GLCE: variants seen among roughly 807,000 people sequenced by gnomAD.
GLCE encodes D-glucuronyl C5-epimerase.
GLCE carries 19 observed loss-of-function variants against 47.9 expected under a neutral mutation model. The observed-to-expected ratio is 0.40, with a 90% CI of 0.28 to 0.58. GLCE has a LOEUF of 0.58. Ranked by LOEUF, GLCE falls within the 20% of genes least tolerant of loss-of-function variation. The pLI is 0.48. For missense variants in GLCE, 556 were observed against 743.3 expected, an observed-to-expected ratio of 0.75 and a Z score of 2.93; for synonymous variants, 245 against 263.4, an observed-to-expected ratio of 0.93 and a Z score of 0.68.
intron 1 of GLCE, among the ~76,000 whole-genome samples, chr15:69,169,450 G>A (rs754242538): frequency 7.8e-4 from 118 of 151,680 alleles, no homozygotes; most frequent in Non-Finnish European, 1.5e-3. Flanking sequence ...TATGCACAAC[G>A]TGCAGGTTTG....
intron 1 of GLCE, among the ~76,000 whole-genome samples, chr15:69,208,037 A>G (rs1258969395): frequency 6.6e-6 from 1 of 151,926 alleles, no homozygotes; most frequent in Non-Finnish European, 1.5e-5. Context: ...TATTTGTTGG[A>G]CAGAAGTCCT....
chr15:69,248,640 G>GT (rs939391404), intron 2 of GLCE, among the ~76,000 whole-genome samples: 36 of 151,300 alleles, frequency 2.4e-4, no homozygotes, highest in South Asian at 6.3e-4. Flanking sequence ...GCTAGGCACA[G>GT]TTTTTTTTTG....
intron 1 of GLCE, among the ~76,000 whole-genome samples, chr15:69,187,522 T>C (rs1344817252): frequency 6.6e-6 from 1 of 152,324 alleles, no homozygotes; most frequent in East Asian, 1.9e-4. Context: ...TCCTGCTTTC[T>C]CCTTCCCTTT....
At chr15:69,162,605 A>G (rs2051441584) in intron 1 of GLCE, among the ~76,000 whole-genome samples, 1 of 151,272 alleles carries the variant, frequency 6.6e-6, no homozygotes, top group South Asian at 2.1e-4. Context: ...CTTCCAGGCT[A>G]GGTTGTAGCA....
chr15:69,235,045 C>T (rs897394899), intron 2 of GLCE, among the ~76,000 whole-genome samples: 16 of 127,602 alleles, frequency 1.3e-4, no homozygotes, highest in Non-Finnish European at 2.4e-4. Context: ...AGATGTTTAA[C>T]AAATATTTGT....
At chr15:69,175,879 G>A (rs780921101) in intron 1 of GLCE, among the ~76,000 whole-genome samples, 1 of 152,134 alleles carries the variant, frequency 6.6e-6, no homozygotes. Flanking sequence ...AACAAATAAA[G>A]TTTCTGAAGA....
intron 1 of GLCE, 112 bp from the exon 2 acceptor site, chr15:69,210,204 G>T (rs1010402621): frequency 2.6e-5 from 4 of 152,092 alleles, no homozygotes; most frequent in African/African-American, 9.7e-5. Flanking sequence ...CTTAGTAGTT[G>T]TTCCATGCAT....
At chr15:69,179,731 T>C (rs1199000696) in intron 1 of GLCE, among the ~76,000 whole-genome samples, 2 of 152,180 alleles carry the variant, frequency 1.3e-5, no homozygotes, top group East Asian at 1.9e-4. Context: ...ATGCCTGCAA[T>C]CCCAGCACTT....
intron 2 of GLCE, among the ~76,000 whole-genome samples, chr15:69,220,256 A>G (rs1220276896): frequency 6.6e-6 from 1 of 152,136 alleles, no homozygotes; most frequent in East Asian, 1.9e-4. Flanking sequence ...GTTGGATCGT[A>G]TGGTAAACTC....
At position 69,246,945 on chromosome 15, in the gene GLCE, C is replaced by T. The variant is rs143551997; in HGVS notation, c.-13-8849C>T. ...GCTTCAGATATTCAGTAAACCATGT[C>T]GTAAACAGATGTGCTGTCATCCAGG... On this transcript the variant is annotated intron_variant, in intron 2 of 4. Coordinates refer to ENST00000261858, the MANE Select transcript of GLCE (RefSeq NM_015554.3). Among the ~76,000 whole-genome samples, 19 of 152,172 alleles carry T rather than the reference C, an allele frequency of 1.2e-4. 1 individual carries two copies. The East Asian group carries it at 2.5e-3, about 20-fold the overall frequency.
At chr15:69,260,058 C>G (rs530501882) in intron 3 of GLCE, among the ~76,000 whole-genome samples, 1 of 152,090 alleles carries the variant, frequency 6.6e-6, no homozygotes, top group East Asian at 1.9e-4. Flanking sequence ...AACACTAATA[C>G]CAAACATTTA....
chr15:69,206,721 C>G (rs1193941583), intron 1 of GLCE, among the ~76,000 whole-genome samples: 2 of 151,816 alleles, frequency 1.3e-5, no homozygotes, highest in African/African-American at 4.8e-5. Flanking sequence ...TTTTCTCTGC[C>G]CTACCCCTAG....
At chr15:69,238,772 G>A (rs1040423314) in intron 2 of GLCE, among the ~76,000 whole-genome samples, 7 of 152,132 alleles carry the variant, frequency 4.6e-5, no homozygotes, top group Non-Finnish European at 8.8e-5. Context: ...TATAAACATG[G>A]CGACAAAATA....
chr15:69,211,034 T>C (rs1297653543), intron 2 of GLCE, among the ~76,000 whole-genome samples: 1 of 152,122 alleles, frequency 6.6e-6, no homozygotes, highest in African/African-American at 2.4e-5. Context: ...GTAAGGCTTG[T>C]TGTATGAAAA....
At chr15:69,229,741 T>C in intron 2 of GLCE, among the ~76,000 whole-genome samples, 1 of 151,852 alleles carries the variant, frequency 6.6e-6, no homozygotes, top group East Asian at 1.9e-4. Context: ...AGATGAGACA[T>C]AGTAAACCAA....
chr15:69,253,049 T>G (rs2052868494), intron 2 of GLCE, among the ~76,000 whole-genome samples: 1 of 152,118 alleles, frequency 6.6e-6, no homozygotes, highest in Admixed American at 6.6e-5. Flanking sequence ...TAACAGTAAA[T>G]AGGAGGACTA....
chr15:69,269,326 T>A lies in GLCE; in HGVS notation c.*82T>A. 9.1e-7 allele frequency: 1 copy of A among 1,101,434 alleles called. No homozygotes were observed. Among genetic ancestry groups the A allele is most frequent in the Non-Finnish European group, 1.3e-6 (1 of 751,812 alleles). 68.2% of individuals were successfully genotyped at this position (1,101,434 alleles called of 1,614,324 possible). A position where few individuals can be genotyped will look rare whatever the true frequency, so the allele number is the denominator to read the frequency against. On this transcript the variant is annotated 3_prime_UTR_variant, in exon 5 of 5. Coordinates refer to ENST00000261858, the MANE Select transcript of GLCE (RefSeq NM_015554.3). The stretch of plus-strand genomic sequence containing the variant: ...GTCTCAGGAGAGCATAGGCACATTT[T>A]AAAAGGTTATGTACTAGGTTTTTGT...
intron 2 of GLCE, among the ~76,000 whole-genome samples, chr15:69,230,693 C>T (rs1234258510): frequency 6.6e-6 from 1 of 152,178 alleles, no homozygotes; most frequent in African/African-American, 2.4e-5. Context: ...AACCAGAGAT[C>T]AGTAAAAATA....
intron 2 of GLCE, among the ~76,000 whole-genome samples, chr15:69,229,777 A>G (rs1035674372): frequency 1.3e-5 from 2 of 152,198 alleles, no homozygotes; most frequent in Admixed American, 6.5e-5. Context: ...TATATACCCA[A>G]TCATAGCAAT....
Sources: gnomAD v4.1 joint callset for allele counts (sites outside exome capture counted in the v4.1 genomes callset) on GRCh38, gnomAD v4.1.1 for gene constraint, MANE v1.5 for transcripts, NCBI Gene and HGNC (gene_info 2026-07-23, HGNC 2026-07-21) for gene names.